NRXN1: variants seen among roughly 807,000 people sequenced by gnomAD.
The protein encoded by NRXN1 is neurexin 1.
Under a neutral mutation model 150.9 loss-of-function variants are expected in NRXN1, and 39 were observed. The ratio of observed to expected loss-of-function variants is 0.26; its 90% confidence interval spans 0.20 to 0.34. The LOEUF (loss-of-function observed/expected upper bound fraction) is 0.34, where lower values mean the gene tolerates loss of function less well. NRXN1 is among the 10% of genes least tolerant of loss of function. NRXN1 has a pLI of 1.00. For synonymous variants in NRXN1, 924 were observed against 757.0 expected (o/e 1.22, Z -3.62); for missense variants, 1,815 against 1,949.9 (o/e 0.93, Z 1.30).
chr2:50,228,351 G>C (rs2064605823), intron 18 of NRXN1, among the ~76,000 whole-genome samples: 2 of 151,960 alleles, frequency 1.3e-5, no homozygotes, highest in African/African-American at 4.8e-5. Context: ...TATAGGTTGA[G>C]AGACATGGTA....
intron 13 of NRXN1, among the ~76,000 whole-genome samples, chr2:50,504,156 A>AAAAAAT (rs1255907152): frequency 6.6e-5 from 10 of 151,642 alleles, no homozygotes; most frequent in Non-Finnish European, 1.5e-4. Flanking sequence ...AAAAAAAAAA[A>AAAAAAT]AAAAATAGCT....
chr2:50,652,267 G>A (rs1392389725), intron 5 of NRXN1, among the ~76,000 whole-genome samples: 1 of 151,836 alleles, frequency 6.6e-6, no homozygotes, highest in African/African-American at 2.4e-5. Flanking sequence ...AATTCACTTC[G>A]TTTAAGTATA....
intron 5 of NRXN1, among the ~76,000 whole-genome samples, chr2:50,660,644 A>G (rs947565071): frequency 6.6e-6 from 1 of 152,044 alleles, no homozygotes; most frequent in African/African-American, 2.4e-5. Context: ...GCTTGACAGT[A>G]GCAAGACCGA....
chr2:50,622,101 C>T (rs1466020794), intron 6 of NRXN1, among the ~76,000 whole-genome samples: 2 of 152,104 alleles, frequency 1.3e-5, no homozygotes, highest in Non-Finnish European at 1.5e-5. Context: ...AATCCATGGT[C>T]TACAGTTATA....
At chr2:50,165,724 C>A (rs894754874) in intron 18 of NRXN1, among the ~76,000 whole-genome samples, 1 of 152,166 alleles carries the variant, frequency 6.6e-6, no homozygotes, top group Non-Finnish European at 1.5e-5. Context: ...ATGTGCTCTA[C>A]CTCACAGGGC....
intron 5 of NRXN1, among the ~76,000 whole-genome samples, chr2:50,710,932 C>G (rs1473924487): frequency 6.6e-6 from 1 of 152,240 alleles, no homozygotes; most frequent in African/African-American, 2.4e-5. Flanking sequence ...AAATTACAAC[C>G]AGGTGCAGTA....
At chr2:50,866,081 C>G (rs991505371) in intron 5 of NRXN1, among the ~76,000 whole-genome samples, 5 of 151,672 alleles carry the variant, frequency 3.3e-5, no homozygotes, top group Admixed American at 2.6e-4. Context: ...GTCTCTGGCT[C>G]TTTATTTAAT....
chr2:50,496,985 G>A (rs774129038), intron 14 of NRXN1, among the ~76,000 whole-genome samples: 1 of 152,020 alleles, frequency 6.6e-6, no homozygotes, highest in Non-Finnish European at 1.5e-5. Flanking sequence ...ATTTAATTTA[G>A]CATAGACTAT....
intron 5 of NRXN1, among the ~76,000 whole-genome samples, chr2:50,890,463 A>G (rs1212225202): frequency 6.6e-6 from 1 of 151,850 alleles, no homozygotes; most frequent in Non-Finnish European, 1.5e-5. Context: ...ACATTTAAGG[A>G]GTGAAAATTT....
intron 21 of NRXN1, among the ~76,000 whole-genome samples, chr2:50,046,746 C>G (rs1691864745): frequency 6.6e-6 from 1 of 152,064 alleles, no homozygotes; most frequent in Admixed American, 6.6e-5. Context: ...ATTTTGGCTT[C>G]TGGAGTCAAC....
At chr2:50,677,293 T>C (rs1018848803) in intron 5 of NRXN1, among the ~76,000 whole-genome samples, 1 of 152,156 alleles carries the variant, frequency 6.6e-6, no homozygotes, top group Admixed American at 6.6e-5. Flanking sequence ...GCCAACATAA[T>C]TGATATTCTC....
chr2:50,646,222 A>G (rs1420266331), intron 5 of NRXN1, among the ~76,000 whole-genome samples: 2 of 151,994 alleles, frequency 1.3e-5, no homozygotes, highest in African/African-American at 4.8e-5. Context: ...CTAATAGAAA[A>G]GAATCAGTAC....
chr2:50,522,248 T>G (rs2092808741), intron 12 of NRXN1, among the ~76,000 whole-genome samples: 1 of 152,186 alleles, frequency 6.6e-6, no homozygotes, highest in South Asian at 2.1e-4. Flanking sequence ...CAGAAACTAA[T>G]AAGAGAATAT....
chr2:50,776,950 T>C (rs889479238), intron 5 of NRXN1, among the ~76,000 whole-genome samples: 12 of 152,178 alleles, frequency 7.9e-5, no homozygotes, highest in Admixed American at 7.9e-4. Context: ...AGCACGTAAG[T>C]ACATGCTGAA....
intron 18 of NRXN1, among the ~76,000 whole-genome samples, chr2:50,139,172 A>T (rs2152757359): frequency 6.6e-6 from 1 of 152,128 alleles, no homozygotes; most frequent in Non-Finnish European, 1.5e-5. Context: ...CTAAAAATAC[A>T]AAAATTAGCC....
At chr2:50,029,930 A>G (rs552831274) in intron 21 of NRXN1, among the ~76,000 whole-genome samples, 5 of 152,194 alleles carry the variant, frequency 3.3e-5, no homozygotes, top group Non-Finnish European at 7.3e-5. Context: ...AAAATAAAAT[A>G]TAAAATGCCA....
At chr2:50,554,745 G>T (rs1006477952) in intron 8 of NRXN1, among the ~76,000 whole-genome samples, 3 of 152,126 alleles carry the variant, frequency 2.0e-5, no homozygotes, top group Non-Finnish European at 4.4e-5. Flanking sequence ...TTTTATACAT[G>T]ATTTGTGCCA....
intron 17 of NRXN1, among the ~76,000 whole-genome samples, chr2:50,400,417 A>G (rs1343748466): frequency 1.3e-5 from 2 of 152,126 alleles, no homozygotes; most frequent in Non-Finnish European, 2.9e-5. Flanking sequence ...GTCTTCAGAA[A>G]CGCCGTTGCT....
At chr2:50,878,298 C>T (rs970453608) in intron 5 of NRXN1, among the ~76,000 whole-genome samples, 12 of 151,872 alleles carry the variant, frequency 7.9e-5, no homozygotes, top group African/African-American at 2.9e-4. Flanking sequence ...AGGCTGAGTG[C>T]CATTTTAAAT....
Sources: gnomAD v4.1 joint callset for allele counts (sites outside exome capture counted in the v4.1 genomes callset) on GRCh38, gnomAD v4.1.1 for gene constraint, MANE v1.5 for transcripts, NCBI Gene and HGNC (gene_info 2026-07-23, HGNC 2026-07-21) for gene names.